The following RFPL1 variants were observed in gnomAD, a reference collection of about 807,000 sequenced individuals.
RFPL1 encodes ret finger protein like 1, also known as ret finger protein-like 1.
RFPL1 carries 6 observed loss-of-function variants against 9.6 expected under a neutral mutation model. That is an observed-to-expected ratio of 0.62 (90% CI 0.34 to 1.23). The LOEUF (loss-of-function observed/expected upper bound fraction) is 1.23. Ranked by LOEUF, RFPL1 falls within the 50% of genes most tolerant of loss-of-function variation. The pLI is 0.03. For synonymous variants in RFPL1, 145 were observed against 149.4 expected (o/e 0.97, Z 0.22); for missense variants, 352 against 398.4 (o/e 0.88, Z 0.99).
the RFPL1 span, among the ~76,000 whole-genome samples, chr22:29,416,464 T>C: frequency 5.7e-3 from 861 of 152,280 alleles, 6 homozygotes; most frequent in Non-Finnish European, 9.3e-3. Context: ...TAAAGAAAGA[T>C]GCAACTGAAA....
chr22:29,397,243 T>G, the RFPL1 span, among the ~76,000 whole-genome samples: 1 of 152,160 alleles, frequency 6.6e-6, no homozygotes. Flanking sequence ...CACAATGACA[T>G]AAGTTCAACA....
chr22:29,424,632 C>A, the RFPL1 span, among the ~76,000 whole-genome samples: 1 of 142,914 alleles, frequency 7.0e-6, no homozygotes, highest in African/African-American at 2.6e-5. Flanking sequence ...GAGGACAATT[C>A]CTTGACAGTG....
the RFPL1 span, among the ~76,000 whole-genome samples, chr22:29,408,302 G>T: frequency 6.6e-6 from 1 of 152,192 alleles, no homozygotes; most frequent in African/African-American, 2.4e-5. Flanking sequence ...TGCCCTAGCT[G>T]GAAAGCCAAG....
chr22:29,436,436 CAA>C (rs758149858), upstream of RFPL1: 10 of 134,230 alleles, frequency 7.4e-5, no homozygotes, highest in Non-Finnish European at 1.5e-4. Flanking sequence ...ACTAAAAATA[CAA>C]AAAAAAAAAA....
the RFPL1 span, among the ~76,000 whole-genome samples, chr22:29,400,502 C>T: frequency 1.3e-5 from 2 of 152,198 alleles, no homozygotes; most frequent in Non-Finnish European, 2.9e-5. Flanking sequence ...CTCTGGATTG[C>T]ATGAACTTGT....
the RFPL1 span, among the ~76,000 whole-genome samples, chr22:29,405,087 A>G: frequency 4.6e-5 from 7 of 152,162 alleles, no homozygotes; most frequent in Non-Finnish European, 5.9e-5. Context: ...AAATCTATAA[A>G]TGGATAAAAA....
chr22:29,418,093 G>A, the RFPL1 span, among the ~76,000 whole-genome samples: 1 of 152,212 alleles, frequency 6.6e-6, no homozygotes, highest in Admixed American at 6.5e-5. Context: ...ACCATACCCA[G>A]CTAATTTTTG....
At chr22:29,434,134 A>G (rs1479478317), upstream of RFPL1, among the ~76,000 whole-genome samples, 1 of 152,098 alleles carries the variant, frequency 6.6e-6, no homozygotes, top group Non-Finnish European at 1.5e-5. Context: ...TTACTGACAT[A>G]AGCCGCCGTA....
the RFPL1 span, among the ~76,000 whole-genome samples, chr22:29,392,751 T>C: frequency 1.3e-5 from 2 of 152,152 alleles, no homozygotes; most frequent in African/African-American, 4.8e-5. Context: ...TGGCAGGTAG[T>C]GTGCAGAAAA....
chr22:29,419,631 C>T, the RFPL1 span, among the ~76,000 whole-genome samples: 1 of 151,740 alleles, frequency 6.6e-6, no homozygotes, highest in Non-Finnish European at 1.5e-5. Flanking sequence ...AGTGAAACCT[C>T]GTTTCTAATA....
chr22:29,421,308 G>A, the RFPL1 span, among the ~76,000 whole-genome samples: 1,756 of 152,144 alleles, frequency 0.012, 39 homozygotes, highest in African/African-American at 0.041. Context: ...AAATTAGCTC[G>A]GCATAGTGGC....
the RFPL1 span, among the ~76,000 whole-genome samples, chr22:29,407,941 T>G: frequency 6.6e-6 from 1 of 152,244 alleles, no homozygotes; most frequent in Non-Finnish European, 1.5e-5. Flanking sequence ...CACACTGCTG[T>G]TTTTCTCTCA....
At chr22:29,441,566 C>G in exon 2 of RFPL1, 1 of 1,594,192 alleles carries the variant, frequency 6.3e-7, no homozygotes, top group South Asian at 1.1e-5. Flanking sequence ...GATGCCGACA[C>G]AGCCAACAAC....
chr22:29,413,080 C>A, the RFPL1 span, among the ~76,000 whole-genome samples: 1 of 151,670 alleles, frequency 6.6e-6, no homozygotes, highest in Admixed American at 6.6e-5. Flanking sequence ...GAGCAGCAAA[C>A]GATTCTGCAG....
upstream of RFPL1, among the ~76,000 whole-genome samples, chr22:29,435,239 C>T (rs192870261): frequency 2.6e-5 from 4 of 152,308 alleles, no homozygotes; most frequent in South Asian, 2.1e-4. Context: ...CACACCTGTC[C>T]GAGTGGCTTT....
the RFPL1 span, among the ~76,000 whole-genome samples, chr22:29,428,093 C>T: frequency 6.6e-6 from 1 of 152,214 alleles, no homozygotes; most frequent in African/African-American, 2.4e-5. Flanking sequence ...CAGCTTTCTT[C>T]AGCCTCTCAG....
upstream of RFPL1, chr22:29,434,981 C>T (rs2062801849): frequency 6.6e-6 from 1 of 152,226 alleles, no homozygotes; most frequent in African/African-American, 2.4e-5. Flanking sequence ...GACAAATCTA[C>T]AGTTTCTCCT....
the RFPL1 span, among the ~76,000 whole-genome samples, chr22:29,405,707 C>A: frequency 6.6e-6 from 1 of 152,204 alleles, no homozygotes; most frequent in Non-Finnish European, 1.5e-5. Context: ...ACTGTGGTAA[C>A]TCTGGGCAAG....
the RFPL1 span, chr22:29,422,992 C>T: frequency 2.0e-5 from 15 of 752,006 alleles, no homozygotes; most frequent in South Asian, 2.5e-4. Context: ...AGATCTACCA[C>T]AAGCTCTAGG....
Sources: gnomAD v4.1 joint callset for allele counts (sites outside exome capture counted in the v4.1 genomes callset) on GRCh38, gnomAD v4.1.1 for gene constraint, MANE v1.5 for transcripts, NCBI Gene and HGNC (gene_info 2026-07-23, HGNC 2026-07-21) for gene names.